CDH9: variants seen among roughly 807,000 people sequenced by gnomAD.
CDH9 encodes the protein cadherin 9, also known as cadherin-9.
A neutral mutation model predicts 70.9 loss-of-function variants in CDH9; 28 were observed. The ratio of observed to expected loss-of-function variants is 0.40; its 90% CI spans 0.29 to 0.54. The LOEUF (loss-of-function observed/expected upper bound fraction) is 0.54, where lower values mean the gene tolerates loss of function less well. Ranked by LOEUF, CDH9 falls within the 20% of genes least tolerant of loss-of-function variation. The pLI, the probability that CDH9 is intolerant of heterozygous loss-of-function variation, is 0.59. For synonymous variants in CDH9, 409 were observed against 343.1 expected, an observed-to-expected ratio of 1.19 and a Z score of -2.12; for missense variants, 874 against 984.4, an observed-to-expected ratio of 0.89 and a Z score of 1.50.
chr5:26,989,725 C>A (rs552834030), intron 1 of CDH9, among the ~76,000 whole-genome samples: 3 of 151,988 alleles, frequency 2.0e-5, no homozygotes, highest in Middle Eastern at 6.8e-3. Context: ...AGCCAGAAAC[C>A]CAATGTTGGA....
chr5:26,897,386 A>T (rs1017468774), intron 7 of CDH9, among the ~76,000 whole-genome samples: 2 of 152,204 alleles, frequency 1.3e-5, no homozygotes, highest in African/African-American at 4.8e-5. Context: ...TTTCAGGCCA[A>T]TAACCCTGAT....
chr5:26,894,406 TG>T (rs1355593865), intron 7 of CDH9, among the ~76,000 whole-genome samples: 2 of 152,224 alleles, frequency 1.3e-5, no homozygotes, highest in East Asian at 3.9e-4. Context: ...AAAATAGATT[TG>T]GGTTTCTGGC....
intron 3 of CDH9, among the ~76,000 whole-genome samples, chr5:26,912,396 A>T (rs905940777): frequency 4.6e-5 from 7 of 151,826 alleles, no homozygotes; most frequent in Admixed American, 1.3e-4. Context: ...TAAATAAGGT[A>T]GGAGAGTTAC....
At position 26,885,647 on chromosome 5, in the gene CDH9, C is replaced by T. The variant is rs564401936; in HGVS notation, c.1849G>A (p.Val617Ile). 10 of 1,613,536 alleles carry T rather than the reference C, an allele frequency of 6.2e-6. No individual in the cohort carries two copies. Among genetic ancestry groups the T allele is most frequent in the Non-Finnish European group, 6.8e-6 (8 of 1,179,808 alleles). The change falls in exon 11 of 12, where the codon GTT becomes ATT. Residue 617 changes from valine to isoleucine, a missense_variant. Transcript: ENST00000231021. ...LSAGLSTGAL[V>I]AILLCVLILL... ...ATGAGGACACAGAGTAGAATCGCAA[C>T]GAGAGCTCCCGTGCTCAGGCCGGCT...
chr5:27,002,873 C>T (rs1396211442), intron 1 of CDH9, among the ~76,000 whole-genome samples: 1 of 151,772 alleles, frequency 6.6e-6, no homozygotes, highest in African/African-American at 2.4e-5. Flanking sequence ...ACATATATAA[C>T]AAACCTGCAC....
chr5:27,031,696 C>A (rs1743313069), intron 1 of CDH9, among the ~76,000 whole-genome samples: 1 of 151,858 alleles, frequency 6.6e-6, no homozygotes, highest in Non-Finnish European at 1.5e-5. Flanking sequence ...ACTTGCATGC[C>A]TAATAGGTCT....
intron 2 of CDH9, among the ~76,000 whole-genome samples, chr5:26,967,945 T>C (rs1172345980): frequency 5.3e-5 from 8 of 151,918 alleles, no homozygotes. Flanking sequence ...ACTCTTGGCC[T>C]CAAGCGATTC....
intron 2 of CDH9, among the ~76,000 whole-genome samples, chr5:26,970,324 T>C (rs1417154089): frequency 6.6e-6 from 1 of 152,024 alleles, no homozygotes; most frequent in Non-Finnish European, 1.5e-5. Context: ...GATCAATTCT[T>C]TTTTCAAGTA....
chr5:26,930,046 C>T (rs1380005184), intron 2 of CDH9, among the ~76,000 whole-genome samples: 1 of 151,854 alleles, frequency 6.6e-6, no homozygotes, highest in Non-Finnish European at 1.5e-5. Flanking sequence ...AGTGGACATG[C>T]CATTTACCCT....
intron 7 of CDH9, among the ~76,000 whole-genome samples, chr5:26,896,775 A>G (rs1169126983): frequency 1.3e-5 from 2 of 152,070 alleles, no homozygotes; most frequent in Non-Finnish European, 2.9e-5. Context: ...AAGCAAGAGC[A>G]AGCAAATTCA....
intron 3 of CDH9, among the ~76,000 whole-genome samples, chr5:26,915,080 T>G (rs1256764534): frequency 6.6e-6 from 1 of 152,016 alleles, no homozygotes; most frequent in Non-Finnish European, 1.5e-5. Context: ...TAAAGAGACT[T>G]GCAATCTTGT....
At chr5:27,034,199 GT>G (rs1474883860) in intron 1 of CDH9, among the ~76,000 whole-genome samples, 7 of 151,514 alleles carry the variant, frequency 4.6e-5, no homozygotes, top group African/African-American at 2.4e-5. Flanking sequence ...ATAATTATTA[GT>G]TACTACTATT....
chr5:26,924,552 T>TTA (rs138461846), intron 2 of CDH9, among the ~76,000 whole-genome samples: 13,582 of 150,062 alleles, frequency 0.091, 775 homozygotes, highest in African/African-American at 0.16. Context: ...AATAAGTATT[T>TTA]TATATATATG....
intron 1 of CDH9, among the ~76,000 whole-genome samples, chr5:27,016,242 A>G (rs1174339863): frequency 1.3e-5 from 2 of 151,844 alleles, no homozygotes; most frequent in Non-Finnish European, 2.9e-5. Context: ...TATAATGTCA[A>G]GTATAAGTTT....
intron 5 of CDH9, among the ~76,000 whole-genome samples, 174 bp downstream of exon 5, chr5:26,905,785 A>G (rs964273480): frequency 3.4e-5 from 5 of 148,306 alleles, no homozygotes; most frequent in African/African-American, 2.5e-5. Context: ...AATAATCACC[A>G]TCACTCTCTA....
chr5:26,898,693 C>G (rs548133295), intron 7 of CDH9, among the ~76,000 whole-genome samples: 1 of 151,980 alleles, frequency 6.6e-6, no homozygotes, highest in Admixed American at 6.6e-5. Flanking sequence ...AAGACATAAA[C>G]GTAAGACCTA....
At chr5:26,896,542 A>T (rs990032563) in intron 7 of CDH9, among the ~76,000 whole-genome samples, 6 of 151,778 alleles carry the variant, frequency 4.0e-5, no homozygotes, top group Non-Finnish European at 8.8e-5. Flanking sequence ...TCATTATACA[A>T]TAGAATGAAA....
chr5:26,913,643 G>T (rs1238048028), intron 3 of CDH9, among the ~76,000 whole-genome samples: 1 of 151,990 alleles, frequency 6.6e-6, no homozygotes, highest in Non-Finnish European at 1.5e-5. Flanking sequence ...CTTACAGAAA[G>T]ATAGTTTGTA....
chr5:27,029,088 C>A (rs2112133567), intron 1 of CDH9, among the ~76,000 whole-genome samples: 1 of 152,010 alleles, frequency 6.6e-6, no homozygotes, highest in African/African-American at 2.4e-5. Flanking sequence ...TTGACAACAT[C>A]TTATTTTAAA....
Sources: gnomAD v4.1 joint callset for allele counts (sites outside exome capture counted in the v4.1 genomes callset) on GRCh38, gnomAD v4.1.1 for gene constraint, MANE v1.5 for transcripts, NCBI Gene and HGNC (gene_info 2026-07-23, HGNC 2026-07-21) for gene names.